The following ENTPD7 variants were observed in gnomAD, a reference collection of about 807,000 sequenced individuals.
ENTPD7 encodes NTPDase 7.
A neutral mutation model predicts 77.9 loss-of-function variants in ENTPD7; 53 were observed. The observed-to-expected ratio is 0.68, with a 90% CI of 0.55 to 0.85. ENTPD7 has a LOEUF of 0.85. Among genes scored for constraint, ENTPD7 ranks in the 40% least tolerant of loss-of-function variants. The pLI, the probability that ENTPD7 is intolerant of heterozygous loss-of-function variation, is 0.00. For missense variants in ENTPD7, 636 were observed against 743.7 expected (o/e 0.86, Z 1.68); for synonymous variants, 248 against 274.9 (o/e 0.90, Z 0.97).
chr10:99,709,412 G>A lies in ENTPD7; in HGVS notation c.*4729G>A. 1.0e-6 allele frequency: 1 copy of A among 985,396 alleles called. No homozygotes were observed. The highest frequency in any genetic ancestry group is 1.7e-5 in the African/African-American group (1 of 57,336). The allele number at this position is 985,396 out of a possible 1,614,324, so 61.0% of individuals were successfully genotyped here. On this transcript the variant is annotated 3_prime_UTR_variant, in exon 13 of 13. Transcript: ENST00000370489. ...CCATATTAGTCTCTTAGGGACGCTA[G>A]CTCCAGATTCCAGCCCCTGGGGCAA...
At chr10:99,686,247 G>A (rs1370803469) in intron 6 of ENTPD7, among the ~76,000 whole-genome samples, 1 of 152,148 alleles carries the variant, frequency 6.6e-6, no homozygotes, top group South Asian at 2.1e-4. Flanking sequence ...AAAGTCAAAT[G>A]TAAGGTAAAT....
In ENTPD7 at chr10:99,661,624, G is replaced by A. The variant is rs756362966; in HGVS notation, c.187G>A (p.Glu63Lys). ...TTCATTACCACGAGATAGGCAATAC[G>A]AAAGGTGAGTCAGCTTTAGATTTTG... The part of the protein sequence containing the change: ...SASLPRDRQY[E>K]RYLARVGELE... The change falls in exon 3 of 13, where the codon GAA (glutamate) becomes AAA (lysine). Residue 63 changes from glutamate (E) to lysine (K), a missense_variant. Transcript: ENST00000370489. The A allele has an allele frequency of 3.7e-6, 6 of 1,602,916 alleles. No homozygotes were observed. Among genetic ancestry groups the A allele is most frequent in the South Asian group, 1.1e-5 (1 of 89,058 alleles).
intron 3 of ENTPD7, among the ~76,000 whole-genome samples, chr10:99,666,542 G>A (rs986233607): frequency 7.9e-5 from 12 of 152,218 alleles, no homozygotes; most frequent in Middle Eastern, 6.8e-3. Context: ...CACTTTGGTG[G>A]GATTGTGGAA....
chr10:99,703,079 C>T (rs1022327327), intron 12 of ENTPD7, among the ~76,000 whole-genome samples: 14 of 152,230 alleles, frequency 9.2e-5, no homozygotes, highest in African/African-American at 3.4e-4. Flanking sequence ...TCTTTCATAA[C>T]ATACAGAGGC....
At chr10:99,668,991 A>G (rs1031940884) in intron 3 of ENTPD7, among the ~76,000 whole-genome samples, 12 of 151,950 alleles carry the variant, frequency 7.9e-5, no homozygotes, top group Admixed American at 7.9e-4. Context: ...TTTGATCAGG[A>G]AAATGTGCCT....
chr10:99,710,340 T>A lies in ENTPD7; in HGVS notation c.*5657T>A. ...TGTATTTGAAATTCTCATTCCACAA[T>A]TACCCTTTAGTTGAAGTCCTGAAGT... On this transcript the variant is annotated 3_prime_UTR_variant, in exon 13 of 13. Transcript: ENST00000370489. 4 of 985,436 alleles carry A rather than the reference T, an allele frequency of 4.1e-6. No individual in the cohort carries two copies. Among genetic ancestry groups the A allele is most frequent in the Non-Finnish European group, 4.8e-6 (4 of 829,930 alleles). 61.0% of individuals were successfully genotyped at this position (985,436 alleles called of 1,614,324 possible).
chr10:99,707,525 T>C lies in ENTPD7; in HGVS notation c.*2842T>C, dbSNP rs2036276169. Among the ~76,000 whole-genome samples, 1 of 152,274 alleles carries C rather than the reference T, an allele frequency of 6.6e-6. No individual in the cohort carries two copies. ...AAGATTTCTCTTCTATTTGCATTTC[T>C]GCACTTTGGTGGTTCTCCCATGAAG... On this transcript the variant is annotated 3_prime_UTR_variant, in exon 13 of 13. Coordinates refer to ENST00000370489, the MANE Select transcript of ENTPD7 (RefSeq NM_020354.5).
chr10:99,696,711 T>G (rs1160015625), intron 9 of ENTPD7, among the ~76,000 whole-genome samples: 1 of 152,236 alleles, frequency 6.6e-6, no homozygotes. Context: ...ATTTCTTGTT[T>G]CTTTTTTGTT....
In ENTPD7 at chr10:99,695,949, A is replaced by G. The variant is rs749791682; in HGVS notation, c.844-7A>G. 4.3e-6 allele frequency: 7 copies of G among 1,611,760 alleles called. No individual in the cohort carries two copies. The East Asian group carries it at 6.7e-5, about 15-fold the overall frequency. On this transcript the variant is annotated splice_region_variant and splice_polypyrimidine_tract_variant and intron_variant, in intron 8 of 12. Transcript: ENST00000370489. ...AATTCCCTTTTTCTCTTGGTATTGT[A>G]TTATAGGAAGAAGCTGCCAAGATCC...
At chr10:99,687,148 C>A (rs1012647061) in intron 6 of ENTPD7, among the ~76,000 whole-genome samples, 1 of 151,174 alleles carries the variant, frequency 6.6e-6, no homozygotes, top group Non-Finnish European at 1.5e-5. Context: ...AACTCCTGAC[C>A]TCGTGATCCG....
At chr10:99,669,604 T>A (rs933056484) in intron 3 of ENTPD7, among the ~76,000 whole-genome samples, 16 of 152,118 alleles carry the variant, frequency 1.1e-4, no homozygotes, top group East Asian at 1.9e-4. Context: ...GTGTTTTTTT[T>A]AATACACTTT....
chr10:99,691,419 A>G lies in ENTPD7; in HGVS notation c.744A>G (p.Ala248=). 1 of 1,613,886 alleles carries G rather than the reference A, an allele frequency of 6.2e-7. No individual in the cohort carries two copies. Among genetic ancestry groups the G allele is most frequent in the Non-Finnish European group, 8.5e-7 (1 of 1,179,850 alleles). The change falls in exon 8 of 13, where the codon GCA becomes GCG. Residue 248 remains alanine (A), a synonymous_variant. Transcript: ENST00000370489. ...CTGAGGCTACCCAGGAATTGGCAGC[A>G]GGACGGAGAAGGACAGTAGGGATAC... ...SDAEATQELA[A]GRRRTVGILD...
intron 6 of ENTPD7, 53 bp from the exon 7 acceptor site, chr10:99,688,641 T>C: frequency 6.3e-7 from 1 of 1,575,406 alleles, no homozygotes; most frequent in Non-Finnish European, 8.7e-7. Context: ...GAGAGGTGTA[T>C]ACATGGCATA....
In ENTPD7 at chr10:99,709,928, T is replaced by C. The variant is rs2036331544; in HGVS notation, c.*5245T>C. On this transcript the variant is annotated 3_prime_UTR_variant, in exon 13 of 13. Transcript: ENST00000370489. ...ACGGAGATCCTTTTATTAGTAAAACTGAATCATTACTCATACTACAAGGGC... is the reference window on the plus strand; with the variant it reads ...ACGGAGATCCTTTTATTAGTAAAACCGAATCATTACTCATACTACAAGGGC... 1 of 985,330 alleles carries C rather than the reference T, an allele frequency of 1.0e-6. No homozygotes were observed. The highest frequency in any genetic ancestry group is 6.1e-5 in the Admixed American group (1 of 16,272). The allele number at this position is 985,330 out of a possible 1,614,324, so 61.0% of individuals were successfully genotyped here.
chr10:99,678,398 G>C (rs2035711405), intron 3 of ENTPD7, among the ~76,000 whole-genome samples: 1 of 151,754 alleles, frequency 6.6e-6, no homozygotes, highest in African/African-American at 2.4e-5. Context: ...AACCTGGGAG[G>C]CGAAGCGTGC....
Position 99,709,034 on chromosome 10 carries a change from T to C in ENTPD7, c.*4351T>C. ...GTCAGAAATAGTGCCAAGTTTTCAC[T>C]ACATCTATTCTTGTTCCTGTATTTC... On this transcript the variant is annotated 3_prime_UTR_variant, in exon 13 of 13. Coordinates refer to ENST00000370489, the MANE Select transcript of ENTPD7 (RefSeq NM_020354.5). The C allele has an allele frequency of 2.0e-6, 2 of 983,690 alleles. No homozygotes were observed. Among genetic ancestry groups the C allele is most frequent in the Non-Finnish European group, 2.4e-6 (2 of 828,298 alleles). 60.9% of individuals were successfully genotyped at this position (983,690 alleles called of 1,614,324 possible).
At position 99,704,523 on chromosome 10, in the gene ENTPD7, A is replaced by G. The variant is rs756384852; in HGVS notation, c.1655A>G (p.Tyr552Cys). 7 of 1,613,982 alleles carry G rather than the reference A, an allele frequency of 4.3e-6. No individual in the cohort carries two copies. The highest frequency in any genetic ancestry group is 3.3e-5 in the Admixed American group (2 of 59,992). Reference protein sequence around the residue: ...WFRLSFVYNHYLFFACILVVL... With the variant: ...WFRLSFVYNHCLFFACILVVL... ...CGTCTCTCCTTTGTATACAACCACTATCTCTTCTTTGCCTGTATCCTGGTG... is the reference window on the plus strand; with the variant it reads ...CGTCTCTCCTTTGTATACAACCACTGTCTCTTCTTTGCCTGTATCCTGGTG... The change falls in exon 13 of 13, where the codon TAT (tyrosine) becomes TGT (cysteine). Residue 552 changes from tyrosine (Y) to cysteine (C), a missense_variant. By Grantham distance (194) the Tyr-to-Cys change is radical. Transcript: ENST00000370489.
At chr10:99,667,644 T>C (rs572484432) in intron 3 of ENTPD7, among the ~76,000 whole-genome samples, 14 of 152,362 alleles carry the variant, frequency 9.2e-5, no homozygotes, top group African/African-American at 2.6e-4. Flanking sequence ...GCTTTTATTT[T>C]ACACACTGTT....
Position 99,691,371 on chromosome 10 carries a change from C to G in ENTPD7, c.710-14C>G. On this transcript the variant is annotated splice_polypyrimidine_tract_variant and intron_variant, in intron 7 of 12. Transcript: ENST00000370489. ...TTAATTACTAGGGCCTTTTTGTTCT[C>G]TTATTTATTTCAGAATCAGATGCTG... The G allele has an allele frequency of 6.2e-7, 1 of 1,607,300 alleles. No homozygotes were observed. The highest frequency in any genetic ancestry group is 8.5e-7 in the Non-Finnish European group (1 of 1,177,954).
Sources: allele counts gnomAD v4.1 joint callset (sites outside exome capture counted in the v4.1 genomes callset), GRCh38; gene constraint gnomAD v4.1.1; transcripts MANE v1.5; gene names NCBI Gene and HGNC (gene_info 2026-07-23, HGNC 2026-07-21).